MALRD1: variants seen among roughly 807,000 people sequenced by gnomAD.
MALRD1 encodes MAM and LDL receptor class A domain containing 1.
MALRD1 carries 247 observed loss-of-function variants against 242.1 expected under a neutral mutation model. That is an observed-to-expected ratio of 1.02 (90% confidence interval 0.92 to 1.13). The LOEUF is 1.13. Ranked by LOEUF, MALRD1 falls within the 50% of genes most tolerant of loss-of-function variation. The probability of loss-of-function intolerance (pLI) is 0.00; values close to 1 mark genes in which losing one functional copy is unlikely to be tolerated. For synonymous variants in MALRD1, 995 were observed against 866.6 expected (o/e 1.15, Z -2.60); for missense variants, 2,989 against 2,533.1 (o/e 1.18, Z -3.86).
At chr10:19,130,996 T>C (rs950296213) in intron 8 of MALRD1, among the ~76,000 whole-genome samples, 1 of 152,158 alleles carries the variant, frequency 6.6e-6, no homozygotes, top group African/African-American at 2.4e-5. Flanking sequence ...ACCAAATGGA[T>C]GTACATCTTA....
At chr10:19,050,280 G>A (rs1834450881) in intron 1 of MALRD1, among the ~76,000 whole-genome samples, 1 of 150,550 alleles carries the variant, frequency 6.6e-6, no homozygotes, top group African/African-American at 2.4e-5. Context: ...GTAGAGACGG[G>A]GTTTCACCGT....
intron 36 of MALRD1, among the ~76,000 whole-genome samples, chr10:19,665,834 C>T (rs545134902): frequency 3.9e-5 from 6 of 152,144 alleles, no homozygotes; most frequent in Admixed American, 1.3e-4. Context: ...CTTGGATCTC[C>T]GGCTCTGTGG....
chr10:19,322,342 A>G (rs1254432030), intron 21 of MALRD1, among the ~76,000 whole-genome samples: 1 of 152,134 alleles, frequency 6.6e-6, no homozygotes, highest in Non-Finnish European at 1.5e-5. Flanking sequence ...ATAAATGATA[A>G]TTCTGCGTCT....
intron 11 of MALRD1, among the ~76,000 whole-genome samples, chr10:19,150,705 A>G (rs950178325): frequency 1.3e-5 from 2 of 152,180 alleles, no homozygotes; most frequent in East Asian, 3.8e-4. Context: ...TTGACAGTCC[A>G]TGCTAAATAT....
chr10:19,096,627 A>G (rs193186221), intron 4 of MALRD1, among the ~76,000 whole-genome samples: 1 of 152,268 alleles, frequency 6.6e-6, no homozygotes, highest in African/African-American at 2.4e-5. Context: ...GCCACCATCT[A>G]ATAACTCACT....
intron 33 of MALRD1, among the ~76,000 whole-genome samples, chr10:19,587,546 C>G (rs1837500568): frequency 6.6e-6 from 1 of 152,150 alleles, no homozygotes; most frequent in South Asian, 2.1e-4. Flanking sequence ...GTATGAAATT[C>G]TTGAGCACAT....
At chr10:19,156,945 G>C (rs145749599) in intron 12 of MALRD1, among the ~76,000 whole-genome samples, 228 of 152,250 alleles carry the variant, frequency 1.5e-3, no homozygotes, top group Non-Finnish European at 2.9e-3. Flanking sequence ...CCAAGGCTTC[G>C]ATCTCTAAAG....
chr10:19,207,649 C>T (rs1013029251), intron 17 of MALRD1, among the ~76,000 whole-genome samples: 5 of 151,926 alleles, frequency 3.3e-5, no homozygotes, highest in Admixed American at 1.3e-4. Context: ...TGCAGGCGCC[C>T]GCCACCACTC....
At chr10:19,229,982 G>A (rs1837978756) in intron 18 of MALRD1, among the ~76,000 whole-genome samples, 1 of 152,226 alleles carries the variant, frequency 6.6e-6, no homozygotes, top group Admixed American at 6.5e-5. Flanking sequence ...GGATCATGGG[G>A]GCAGTTTTCC....
intron 36 of MALRD1, among the ~76,000 whole-genome samples, chr10:19,684,722 A>C (rs1220876323): frequency 2.0e-5 from 3 of 152,248 alleles, no homozygotes; most frequent in Non-Finnish European, 4.4e-5. Flanking sequence ...ATTGCACTCC[A>C]GCCTGGGTGA....
intron 38 of MALRD1, among the ~76,000 whole-genome samples, chr10:19,696,558 G>A (rs984943746): frequency 6.6e-6 from 1 of 152,010 alleles, no homozygotes; most frequent in African/African-American, 2.4e-5. Flanking sequence ...ATTATAGCAA[G>A]GTTATTATAG....
At position 19,193,829 on chromosome 10, in the gene MALRD1, T is replaced by TG. The variant is rs915580866; in HGVS notation, c.1952-9894dup. On this transcript the variant is annotated intron_variant, in intron 14 of 39. Coordinates refer to ENST00000454679, the MANE Select transcript of MALRD1 (RefSeq NM_001142308.3). ...AACATTTGAGATCATTAGCTTAGTCTGGGGGAAAAAAAATATATATATATA... is the reference window on the plus strand; with the variant it reads ...AACATTTGAGATCATTAGCTTAGTCTGGGGGGAAAAAAAATATATATATATA... 3.7e-4 allele frequency among the ~76,000 whole-genome samples: 22 copies of TG among 59,476 alleles called. No individual in the cohort carries two copies. In the East Asian group the frequency reaches 4.2e-3, roughly 11 times the overall value. 39.0% of individuals were successfully genotyped at this position (59,476 alleles called of 152,430 possible).
Position 19,103,388 on chromosome 10 carries a change from T to C in MALRD1, c.598-591T>C, listed in dbSNP as rs370480131. Among the ~76,000 whole-genome samples, 303 of 151,402 alleles carry C rather than the reference T, an allele frequency of 2.0e-3. 4 individuals are homozygous for C. The highest frequency in any genetic ancestry group is 6.7e-3 in the African/African-American group (276 of 41,366). ...CATCCTAGCTAACACGGTGAAACCC[T>C]GTCTCTACTAAAAATACAAAAAATT... is the stretch of plus-strand genomic sequence containing the variant. On this transcript the variant is annotated intron_variant, in intron 4 of 39. Transcript: ENST00000454679.
At chr10:19,208,235 C>T (rs1311225284) in intron 17 of MALRD1, among the ~76,000 whole-genome samples, 1 of 152,022 alleles carries the variant, frequency 6.6e-6, no homozygotes, top group Non-Finnish European at 1.5e-5. Flanking sequence ...AAAGGAGCTA[C>T]AATCCAGTGA....
At chr10:19,478,777 A>G (rs2131168656) in intron 29 of MALRD1, among the ~76,000 whole-genome samples, 3 of 152,254 alleles carry the variant, frequency 2.0e-5, no homozygotes, top group Middle Eastern at 6.8e-3. Flanking sequence ...AGCTGTGTTT[A>G]TATAGAGTAT....
intron 21 of MALRD1, among the ~76,000 whole-genome samples, chr10:19,322,259 T>C (rs1277389838): frequency 5.9e-5 from 9 of 152,122 alleles, no homozygotes; most frequent in Admixed American, 5.2e-4. Context: ...ATCCCTGTTA[T>C]ACTGGGATAT....
At chr10:19,406,644 A>C (rs1481934750) in intron 28 of MALRD1, among the ~76,000 whole-genome samples, 2 of 152,174 alleles carry the variant, frequency 1.3e-5, no homozygotes, top group African/African-American at 4.8e-5. Flanking sequence ...TATCCAAGGA[A>C]AACGAAAATG....
chr10:19,584,301 T>C, intron 33 of MALRD1, among the ~76,000 whole-genome samples: 1 of 152,184 alleles, frequency 6.6e-6, no homozygotes, highest in Non-Finnish European at 1.5e-5. Flanking sequence ...TTTCTAGTTC[T>C]TTTAATTGTG....
chr10:19,536,348 T>C (rs1359244398), intron 32 of MALRD1, among the ~76,000 whole-genome samples: 1 of 72,656 alleles, frequency 1.4e-5, no homozygotes, highest in African/African-American at 2.9e-5. Context: ...TTTTTTTCTT[T>C]TCTTTTTTTT....
Sources: gnomAD v4.1 joint callset for allele counts (sites outside exome capture counted in the v4.1 genomes callset) on GRCh38, gnomAD v4.1.1 for gene constraint, MANE v1.5 for transcripts, NCBI Gene and HGNC (gene_info 2026-07-23, HGNC 2026-07-21) for gene names.